The following ATP11A variants were observed in gnomAD, a reference collection of about 807,000 sequenced individuals.
ATP11A encodes the protein phospholipid-transporting ATPase IH.
In ATP11A, 81 loss-of-function variants were observed where a neutral mutation model predicts 154.4. The observed-to-expected ratio is 0.52, with a 90% CI of 0.44 to 0.63. The LOEUF (loss-of-function observed/expected upper bound fraction) is 0.63. Among genes scored for constraint, ATP11A ranks in the 30% least tolerant of loss-of-function variants. ATP11A has a pLI of 0.00. For synonymous variants in ATP11A, 623 were observed against 585.9 expected (o/e 1.06, Z -0.91); for missense variants, 1,316 against 1,474.3 (o/e 0.89, Z 1.76).
intron 20 of ATP11A, 182 bp downstream of exon 20, chr13:112,856,267 G>A: frequency 3.4e-6 from 2 of 585,436 alleles, no homozygotes; most frequent in Non-Finnish European, 5.7e-6. Context: ...GCCAGCTTCT[G>A]TGATTAGTGG....
At position 112,842,373 on chromosome 13, in the gene ATP11A, C is replaced by T. The variant is rs141899520; in HGVS notation, c.1803C>T (p.Asn601=). ...AGATCCGAGCCAGAGTGGAGCGTAA[C>T]GCAGTGGTGAGAGCCGGGCTGGGGA... ...VDQIRARVER[N]AVEGLRTLCV... Residue 601 remains asparagine (N), a synonymous_variant, in exon 17 of 30, where the codon AAC becomes AAT. Coordinates refer to ENST00000375645, the MANE Select transcript of ATP11A (RefSeq NM_015205.3). 3,637 of 1,603,310 alleles carry T rather than the reference C, an allele frequency of 2.3e-3. 11 individuals carry two copies. Among genetic ancestry groups the T allele is most frequent in the African/African-American group, 3.3e-3 (250 of 74,916 alleles).
At chr13:112,787,684 G>C (rs1315014410) in intron 2 of ATP11A, among the ~76,000 whole-genome samples, 1 of 120,572 alleles carries the variant, frequency 8.3e-6, no homozygotes, top group African/African-American at 3.1e-5. Flanking sequence ...ATTCACACCG[G>C]GTGTCCTGAT....
At chr13:112,721,277 AG>A (rs1274051716) in intron 1 of ATP11A, among the ~76,000 whole-genome samples, 3 of 152,168 alleles carry the variant, frequency 2.0e-5, no homozygotes, top group African/African-American at 7.2e-5. Flanking sequence ...CCTTAGCGTT[AG>A]GGTCCATCTT....
intron 1 of ATP11A, among the ~76,000 whole-genome samples, chr13:112,716,277 C>T (rs540359975): frequency 3.9e-5 from 6 of 152,336 alleles, no homozygotes; most frequent in South Asian, 2.1e-4. Context: ...TTTAGCAAGT[C>T]GCATCTCTCT....
rs1203932507 is a variant in ATP11A, at chr13:112,690,806, G to A, written c.39+351G>A. Among the ~76,000 whole-genome samples, 1 of 152,114 alleles carries A rather than the reference G, an allele frequency of 6.6e-6. No homozygotes were observed. The highest frequency in any genetic ancestry group is 1.5e-5 in the Non-Finnish European group (1 of 67,990). ...TCCCGGCGGACCGGGCGCCCGGAGGGAGCCAACTTCGACCCCGCCGGGGCC... is the reference window on the plus strand; with the variant it reads ...TCCCGGCGGACCGGGCGCCCGGAGGAAGCCAACTTCGACCCCGCCGGGGCC... On this transcript the variant is annotated intron_variant, in intron 1 of 29. Coordinates refer to ENST00000375645, the MANE Select transcript of ATP11A (RefSeq NM_015205.3). This position sits in a 1 kb window ranked among gnomAD's most constrained non-coding sequence, Gnocchi z 5.6.
chr13:112,861,477 C>G (rs2080101591), intron 24 of ATP11A, among the ~76,000 whole-genome samples: 1 of 152,244 alleles, frequency 6.6e-6, no homozygotes, highest in Admixed American at 6.5e-5. Flanking sequence ...GATCACCCAG[C>G]TTTCCCTGCA....
intron 1 of ATP11A, among the ~76,000 whole-genome samples, chr13:112,759,951 A>G (rs2076927212): frequency 6.6e-6 from 1 of 152,192 alleles, no homozygotes. Context: ...ACCTTGTCGA[A>G]TCGATGTGCT....
chr13:112,827,462 GCA>G (rs2078962599), intron 12 of ATP11A, among the ~76,000 whole-genome samples: 1 of 152,212 alleles, frequency 6.6e-6, no homozygotes, highest in Non-Finnish European at 1.5e-5. Flanking sequence ...AAGGTGCACA[GCA>G]CAGAGTCTGG....
chr13:112,838,198 C>T lies in ATP11A; in HGVS notation c.1705+1947C>T, dbSNP rs1247055466. 6.6e-6 allele frequency among the ~76,000 whole-genome samples: 1 copy of T among 152,186 alleles called. No individual in the cohort carries two copies. Among genetic ancestry groups the T allele is most frequent in the African/African-American group, 2.4e-5 (1 of 41,450 alleles). On this transcript the variant is annotated intron_variant, in intron 16 of 29. Coordinates refer to ENST00000375645, the MANE Select transcript of ATP11A (RefSeq NM_015205.3). This position sits in a 1 kb window ranked among gnomAD's most constrained non-coding sequence, Gnocchi z 7.3. ...CGCGAGACTTCTGTGTGTCAGAACC[C>T]TTCCCCCCGGCTCGGATGAGGCGCA...
chr13:112,756,468 G>A (rs2076836015), intron 1 of ATP11A, among the ~76,000 whole-genome samples: 1 of 152,200 alleles, frequency 6.6e-6, no homozygotes, highest in Non-Finnish European at 1.5e-5. Flanking sequence ...GAGTGTGTGT[G>A]CTTGTTGAGT....
At chr13:112,747,837 C>CA (rs11373443) in intron 1 of ATP11A, among the ~76,000 whole-genome samples, 21,408 of 143,482 alleles carry the variant, frequency 0.15, 1,958 homozygotes, top group African/African-American at 0.26. Flanking sequence ...GACTCCATCT[C>CA]AAAAAAAAAA....
intron 1 of ATP11A, among the ~76,000 whole-genome samples, chr13:112,749,964 CATGCCTGCTGAAGGAA>C (rs2139806185): frequency 8.2e-6 from 1 of 121,250 alleles, no homozygotes; most frequent in African/African-American, 3.9e-5. Context: ...CACGTGGGGA[CATGCCTGCTGAAGGAA>C]GCGGGGTTGA....
chr13:112,754,560 T>A lies in ATP11A; in HGVS notation c.40-30575T>A, dbSNP rs186489091. On this transcript the variant is annotated intron_variant, in intron 1 of 29. Coordinates refer to ENST00000375645, the MANE Select transcript of ATP11A (RefSeq NM_015205.3). The surrounding 1 kb of genome is among the most constrained non-coding windows in gnomAD (Gnocchi z 5.3). ...GCAGGACTCACTGCGGCTCCTGTGC[T>A]CCACGCTGCCCCCCCGAGAGGCAGA... The A allele has an allele frequency of 5.1e-3, 826 of 160,970 alleles. 7 individuals carry two copies. Among genetic ancestry groups the A allele is most frequent in the African/African-American group, 0.018 (743 of 41,652 alleles). The allele number at this position is 160,970 out of a possible 1,614,324, so 10.0% of individuals were successfully genotyped here. A position where few individuals can be genotyped will look rare whatever the true frequency, so the allele number is the denominator to read the frequency against.
intron 1 of ATP11A, among the ~76,000 whole-genome samples, chr13:112,742,261 A>G (rs385990): frequency 0.23 from 35,027 of 152,154 alleles, 5,254 homozygotes; most frequent in African/African-American, 0.42. Flanking sequence ...GAAATGCAGC[A>G]TGGGAACCCT....
At chr13:112,779,197 T>C (rs1594658771) in intron 1 of ATP11A, among the ~76,000 whole-genome samples, 1 of 116,954 alleles carries the variant, frequency 8.6e-6, no homozygotes, top group Non-Finnish European at 1.7e-5. Context: ...GAGTGAGGAG[T>C]AGCCACTGGA....
intron 1 of ATP11A, among the ~76,000 whole-genome samples, chr13:112,702,423 G>A (rs1037810712): frequency 4.0e-5 from 6 of 149,450 alleles, no homozygotes; most frequent in Admixed American, 1.3e-4. Flanking sequence ...CCCGCCCCCC[G>A]CGTGTTCCAG....
chr13:112,819,410 A>C lies in ATP11A; in HGVS notation c.674+3A>C. Reference sequence around the variant, plus strand: ...CAGCCCCAGCCCGACCTCTACAAGTAAGCGGGAGCTTTGGGTTCTTTAGAA... The same window carrying C: ...CAGCCCCAGCCCGACCTCTACAAGTCAGCGGGAGCTTTGGGTTCTTTAGAA... On this transcript the variant is annotated splice_donor_region_variant and intron_variant, in intron 7 of 29. Transcript: ENST00000375645. 6.2e-7 allele frequency: 1 copy of C among 1,614,092 alleles called. No individual in the cohort carries two copies. The highest frequency in any genetic ancestry group is 8.5e-7 in the Non-Finnish European group (1 of 1,179,958).
intron 1 of ATP11A, among the ~76,000 whole-genome samples, chr13:112,726,942 A>C (rs998507996): frequency 2.0e-5 from 3 of 152,222 alleles, no homozygotes; most frequent in Non-Finnish European, 4.4e-5. Context: ...GGGACATTGC[A>C]AATTTTTTTT....
At chr13:112,844,062 G>A (rs954739472) in intron 17 of ATP11A, among the ~76,000 whole-genome samples, 4 of 152,352 alleles carry the variant, frequency 2.6e-5, no homozygotes, top group South Asian at 2.1e-4. Context: ...GTACAGGGGC[G>A]TGTGGGGGCT....
Sources: allele counts gnomAD v4.1 joint callset (sites outside exome capture counted in the v4.1 genomes callset), GRCh38; gene constraint gnomAD v4.1.1; non-coding constraint Gnocchi (gnomAD v3.1); transcripts MANE v1.5; gene names NCBI Gene and HGNC (gene_info 2026-07-23, HGNC 2026-07-21).